The following GPR158 variants were observed in gnomAD, a reference collection of about 807,000 sequenced individuals.
GPR158 encodes the protein metabotropic glycine receptor.
In GPR158, 30 loss-of-function variants were observed where a neutral mutation model predicts 78.2. The ratio of observed to expected loss-of-function variants is 0.38; its 90% CI spans 0.29 to 0.52. GPR158 has a LOEUF of 0.52. Among genes scored for constraint, GPR158 ranks in the 20% least tolerant of loss-of-function variants. GPR158 has a pLI of 0.83. For synonymous variants in GPR158, 581 were observed against 591.1 expected, an observed-to-expected ratio of 0.98 and a Z score of 0.25; for missense variants, 1,463 against 1,523.5, an observed-to-expected ratio of 0.96 and a Z score of 0.66.
At chr10:25,302,548 C>T (rs1191541317) in intron 2 of GPR158, among the ~76,000 whole-genome samples, 1 of 152,036 alleles carries the variant, frequency 6.6e-6, no homozygotes, top group Non-Finnish European at 1.5e-5. Context: ...ATACATCCTC[C>T]CTTTGGACAG....
At chr10:25,501,007 G>T (rs1835940911) in intron 5 of GPR158, among the ~76,000 whole-genome samples, 1 of 152,154 alleles carries the variant, frequency 6.6e-6, no homozygotes, top group African/African-American at 2.4e-5. Flanking sequence ...ACATGCATTG[G>T]TATCAGCCTA....
rs1432323958 is a variant in GPR158 at position 25,186,103 on chromosome 10, A to C, written c.902+9781A>C. On this transcript the variant is annotated intron_variant, in intron 1 of 10. Transcript: ENST00000376351. The stretch of plus-strand genomic sequence containing the variant: ...CCACTCAACTACATGGAAACTGAAC[A>C]ACCTGCTCCTGAATGACTACTGGGT... 2.0e-5 allele frequency among the ~76,000 whole-genome samples: 3 copies of C among 152,208 alleles called. No individual in the cohort carries two copies. In the East Asian group the frequency reaches 5.8e-4, roughly 29 times the overall value.
At position 25,389,071 on chromosome 10, in the gene GPR158, G is replaced by A. The variant is rs577735129; in HGVS notation, c.1009-6840G>A. On this transcript the variant is annotated intron_variant, in intron 2 of 10. Coordinates refer to ENST00000376351, the MANE Select transcript of GPR158 (RefSeq NM_020752.3). ...GGCAGTGGCCTGCAGGCATCCCTTG[G>A]CACAAACAGCCTGGGTGCCATGAAT... 1.8e-4 allele frequency among the ~76,000 whole-genome samples: 27 copies of A among 152,344 alleles called. No homozygotes were observed. The South Asian group carries it at 5.0e-3, about 28-fold the overall frequency.
intron 2 of GPR158, among the ~76,000 whole-genome samples, chr10:25,283,553 T>C (rs1404776474): frequency 6.6e-6 from 1 of 152,014 alleles, no homozygotes; most frequent in Non-Finnish European, 1.5e-5. Context: ...GTTGTTAATC[T>C]TTTAAAATAA....
intron 5 of GPR158, among the ~76,000 whole-genome samples, chr10:25,498,549 T>A (rs1383617517): frequency 6.6e-6 from 1 of 152,206 alleles, no homozygotes; most frequent in Non-Finnish European, 1.5e-5. Flanking sequence ...CACCCAAGTT[T>A]GAGAATCACT....
chr10:25,278,181 A>T (rs1001691965), intron 2 of GPR158, among the ~76,000 whole-genome samples: 6 of 152,208 alleles, frequency 3.9e-5, no homozygotes, highest in Admixed American at 3.9e-4. Context: ...TTAACAAAAT[A>T]GCACACACAA....
intron 2 of GPR158, among the ~76,000 whole-genome samples, chr10:25,227,580 CTTA>C (rs1165885979): frequency 9.9e-5 from 15 of 152,080 alleles, no homozygotes; most frequent in African/African-American, 3.4e-4. Flanking sequence ...AATTTTTCTT[CTTA>C]TTATTATGGT....
At chr10:25,497,418 G>C (rs965741754) in intron 5 of GPR158, among the ~76,000 whole-genome samples, 1 of 152,122 alleles carries the variant, frequency 6.6e-6, no homozygotes, top group African/African-American at 2.4e-5. Context: ...AACATAAAGC[G>C]CCTATTAACA....
chr10:25,509,456 G>T (rs189195225), intron 5 of GPR158, among the ~76,000 whole-genome samples: 2 of 152,118 alleles, frequency 1.3e-5, no homozygotes, highest in African/African-American at 4.8e-5. Context: ...CTCTGCTCCC[G>T]GATGTCTGAG....
At chr10:25,320,575 A>G (rs1186727360) in intron 2 of GPR158, among the ~76,000 whole-genome samples, 1 of 152,144 alleles carries the variant, frequency 6.6e-6, no homozygotes, top group East Asian at 1.9e-4. Flanking sequence ...AATGATCTTT[A>G]TGTTTATAAG....
intron 4 of GPR158, among the ~76,000 whole-genome samples, chr10:25,423,128 T>TATACGTATATACGTATATACGTATATAC (rs1554802509): frequency 2.9e-4 from 41 of 140,704 alleles, no homozygotes; most frequent in African/African-American, 7.0e-4. Flanking sequence ...TACATATATA[T>TATACGTATATACGTATATACGTATATAC]GTATATACAT....
At chr10:25,225,095 G>A (rs1033356964) in intron 2 of GPR158, among the ~76,000 whole-genome samples, 2 of 150,996 alleles carry the variant, frequency 1.3e-5, no homozygotes, top group Non-Finnish European at 2.9e-5. Flanking sequence ...TTTTGTTGTT[G>A]TTGTTTTTTA....
chr10:25,547,224 C>A (rs1178704649), intron 5 of GPR158, among the ~76,000 whole-genome samples: 5 of 152,102 alleles, frequency 3.3e-5, no homozygotes, highest in African/African-American at 1.2e-4. Flanking sequence ...AACCTATGCT[C>A]TTCCGTGCTG....
At chr10:25,353,566 A>G (rs35989426) in intron 2 of GPR158, among the ~76,000 whole-genome samples, 14,283 of 151,998 alleles carry the variant, frequency 0.094, 1,623 homozygotes, top group African/African-American at 0.28. Context: ...GTTCACATGT[A>G]TGTTTGTTAT....
At chr10:25,571,236 A>G (rs1340354788) in intron 6 of GPR158, among the ~76,000 whole-genome samples, 1 of 152,162 alleles carries the variant, frequency 6.6e-6, no homozygotes, top group African/African-American at 2.4e-5. Flanking sequence ...TTTTACTTGT[A>G]TCTGTTACTA....
At chr10:25,439,811 C>T (rs2130587261) in intron 4 of GPR158, among the ~76,000 whole-genome samples, 1 of 152,230 alleles carries the variant, frequency 6.6e-6, no homozygotes, top group Middle Eastern at 3.4e-3. Context: ...TTTAATAGTG[C>T]AAAGAACAAT....
At chr10:25,354,579 T>C (rs1855521781) in intron 2 of GPR158, among the ~76,000 whole-genome samples, 1 of 152,148 alleles carries the variant, frequency 6.6e-6, no homozygotes, top group Non-Finnish European at 1.5e-5. Context: ...TATATTTGGG[T>C]TATGAGTAGA....
At chr10:25,489,832 C>T (rs530590835) in intron 5 of GPR158, among the ~76,000 whole-genome samples, 2 of 152,196 alleles carry the variant, frequency 1.3e-5, no homozygotes, top group South Asian at 2.1e-4. Context: ...AGATTCTTAC[C>T]TCATACCATA....
intron 5 of GPR158, among the ~76,000 whole-genome samples, chr10:25,537,655 G>C (rs1836518104): frequency 6.6e-6 from 1 of 152,118 alleles, no homozygotes; most frequent in African/African-American, 2.4e-5. Flanking sequence ...ATATGGCCTG[G>C]ATTTGTGTCC....
Sources: gnomAD v4.1 joint callset for allele counts (sites outside exome capture counted in the v4.1 genomes callset) on GRCh38, gnomAD v4.1.1 for gene constraint, MANE v1.5 for transcripts, NCBI Gene and HGNC (gene_info 2026-07-23, HGNC 2026-07-21) for gene names.